Variants in DOP1A observed in about 807,000 individuals in gnomAD.
The protein encoded by DOP1A is DOP1 leucine zipper like protein A.
In DOP1A, 90 loss-of-function variants were observed where a neutral mutation model predicts 267.6. That is an observed-to-expected ratio of 0.34 (90% confidence interval 0.28 to 0.40). The LOEUF (loss-of-function observed/expected upper bound fraction) is 0.40. Among genes scored for constraint, DOP1A ranks in the 10% least tolerant of loss-of-function variants. The pLI is 1.00. For missense variants in DOP1A, 2,437 were observed against 2,900.4 expected, an observed-to-expected ratio of 0.84 and a Z score of 3.67; for synonymous variants, 932 against 999.1, an observed-to-expected ratio of 0.93 and a Z score of 1.27.
intron 4 of DOP1A, among the ~76,000 whole-genome samples, chr6:83,105,620 C>G (rs747062141): frequency 2.6e-5 from 4 of 152,022 alleles, no homozygotes; most frequent in Non-Finnish European, 4.4e-5. Context: ...GCCTCGGCCT[C>G]CCAAAGTGCT....
chr6:83,105,250 TAAAG>T (rs757069819), intron 4 of DOP1A, among the ~76,000 whole-genome samples: 29 of 149,206 alleles, frequency 1.9e-4, no homozygotes, highest in Admixed American at 6.1e-4. Context: ...GTTTAATGAA[TAAAG>T]AAACGCTATT....
Position 83,145,666 on chromosome 6 carries a change from A to G in DOP1A, c.5676+8A>G. ...GCCATAGCCAAGGACAAGGTAAGAA[A>G]AAACTCTTCTTCACATGTGTTTACA... On this transcript the variant is annotated splice_region_variant and intron_variant, in intron 25 of 38. Transcript: ENST00000349129. 6.2e-7 allele frequency: 1 copy of G among 1,608,728 alleles called. No individual in the cohort carries two copies. The highest frequency in any genetic ancestry group is 1.1e-5 in the South Asian group (1 of 89,786).
chr6:83,070,334 C>T lies in DOP1A; in HGVS notation c.-147+2555C>T, dbSNP rs771565383. Among the ~76,000 whole-genome samples the T allele has an allele frequency of 1.1e-4, 16 of 152,218 alleles. No homozygotes were observed. In the South Asian group the frequency reaches 1.7e-3, roughly 16 times the overall value. On this transcript the variant is annotated intron_variant, in intron 1 of 38. Coordinates refer to ENST00000349129, the MANE Select transcript of DOP1A (RefSeq NM_015018.4). ...ATATGATACCCTTGTCTTTAACTGG[C>T]GGTTTCCCTTTTTCCTTTATTGTAT...
At chr6:83,158,813 T>C (rs45502996) in intron 36 of DOP1A, among the ~76,000 whole-genome samples, 191 bp downstream of exon 36, 487 of 152,326 alleles carry the variant, frequency 3.2e-3, no homozygotes, top group Non-Finnish European at 4.1e-3. Flanking sequence ...GCCATCAGCA[T>C]TCATTGCCCT....
At position 83,151,993 on chromosome 6, in the gene DOP1A, G is replaced by A; in HGVS notation, c.6015G>A (p.Met2005Ile). The A allele has an allele frequency of 6.2e-7, 1 of 1,613,762 alleles. No individual in the cohort carries two copies. The highest frequency in any genetic ancestry group is 1.7e-5 in the Admixed American group (1 of 59,974). The change falls in exon 29 of 39, where the codon ATG becomes ATA. Residue 2005 changes from methionine (M) to isoleucine (I), a missense_variant. Transcript: ENST00000349129. ...AAGTTAAGCCTTCTCCCAAAATAAT[G>A]GTAGATGGAACCAATTTGGAATCTG... ...NLEVKPSPKI[M>I]VDGTNLESDV...
chr6:83,090,999 T>A (rs751061626), intron 1 of DOP1A, among the ~76,000 whole-genome samples: 3 of 151,954 alleles, frequency 2.0e-5, no homozygotes, highest in Non-Finnish European at 4.4e-5. Context: ...AAGAAAGAAG[T>A]TTAATCGGAC....
chr6:83,160,051 G>GT, intron 37 of DOP1A, 91 bp downstream of exon 37: 1 of 1,274,464 alleles, frequency 7.8e-7, no homozygotes, highest in East Asian at 2.3e-5. Context: ...AGTTTTTTGT[G>GT]TAAGTTGAAA....
chr6:83,136,391 G>A (rs1267368057), intron 20 of DOP1A, among the ~76,000 whole-genome samples: 1 of 152,086 alleles, frequency 6.6e-6, no homozygotes. Context: ...TTATAGTTGA[G>A]TGATGCCTTC....
chr6:83,095,956 A>G (rs1423882486), intron 1 of DOP1A, among the ~76,000 whole-genome samples: 1 of 152,150 alleles, frequency 6.6e-6, no homozygotes, highest in Non-Finnish European at 1.5e-5. Context: ...GAGAGTAAAG[A>G]GGAAACCAAA....
intron 5 of DOP1A, among the ~76,000 whole-genome samples, chr6:83,109,894 C>A (rs1774260889): frequency 6.6e-6 from 1 of 152,098 alleles, no homozygotes; most frequent in Non-Finnish European, 1.5e-5. Context: ...CTGAACTTAA[C>A]AATGAAGTGA....
intron 14 of DOP1A, 116 bp from the exon 15 acceptor site, chr6:83,125,384 T>C (rs1777004349): frequency 1.9e-6 from 2 of 1,037,700 alleles, no homozygotes; most frequent in South Asian, 1.6e-5. Context: ...ATTAAGAGCA[T>C]GATGCATATA....
At position 83,084,113 on chromosome 6, in the gene DOP1A, A is replaced by C. The variant is rs113952025; in HGVS notation, c.-146-12618A>C. The stretch of plus-strand genomic sequence containing the variant: ...TATTCGTATAGCTTTTCTGAGACCT[A>C]AAGTGAAAATATAAATAGTCATATG... On this transcript the variant is annotated intron_variant, in intron 1 of 38. Transcript: ENST00000349129. Among the ~76,000 whole-genome samples the C allele has an allele frequency of 4.9e-3, 740 of 152,320 alleles. 9 individuals are homozygous for C. The highest frequency in any genetic ancestry group is 0.017 in the African/African-American group (699 of 41,562).
At chr6:83,084,154 A>G (rs747828066) in intron 1 of DOP1A, among the ~76,000 whole-genome samples, 18 of 152,210 alleles carry the variant, frequency 1.2e-4, no homozygotes, top group African/African-American at 3.1e-4. Flanking sequence ...TAACATTTCA[A>G]TGATGGCCCA....
In DOP1A at chr6:83,129,133, G is replaced by A. The variant is rs147987838; in HGVS notation, c.1966G>A (p.Val656Ile). The change falls in exon 16 of 39, where the codon GTA becomes ATA. Residue 656 changes from valine (V) to isoleucine (I), a missense_variant. Coordinates refer to ENST00000349129, the MANE Select transcript of DOP1A (RefSeq NM_015018.4). Reference protein sequence around the residue: ...SEETIIQTPSVVTQGTATRSR... With the variant: ...SEETIIQTPSIVTQGTATRSR... ...AGAAACCATCATCCAGACCCCTTCC[G>A]TAGTCACTCAGGGGACAGCAACCCG... is the stretch of plus-strand genomic sequence containing the variant. The A allele has an allele frequency of 2.1e-3, 3,342 of 1,613,750 alleles. 7 individuals are homozygous for A. Among genetic ancestry groups the A allele is most frequent in the Non-Finnish European group, 2.5e-3 (2,931 of 1,179,860 alleles).
At chr6:83,107,571 C>T (rs999713618) in intron 4 of DOP1A, among the ~76,000 whole-genome samples, 3 of 152,062 alleles carry the variant, frequency 2.0e-5, no homozygotes, top group Non-Finnish European at 4.4e-5. Context: ...TATTTACAGT[C>T]CGTTGGAAGA....
intron 17 of DOP1A, among the ~76,000 whole-genome samples, chr6:83,131,938 A>G (rs1338125205): frequency 6.6e-6 from 1 of 152,142 alleles, no homozygotes; most frequent in Non-Finnish European, 1.5e-5. Flanking sequence ...TGTTCAGACA[A>G]CGCCTGATGT....
intron 35 of DOP1A, 147 bp downstream of exon 35, chr6:83,157,465 G>A: frequency 1.2e-6 from 1 of 843,160 alleles, no homozygotes; most frequent in Admixed American, 2.7e-5. Context: ...GTTGAAAATA[G>A]TAAAACAAGT....
rs761815621 is a variant in DOP1A at position 83,152,318 on chromosome 6, A to G, written c.6080A>G (p.Asn2027Ser). 6.3e-7 allele frequency: 1 copy of G among 1,575,450 alleles called. No individual in the cohort carries two copies. Among genetic ancestry groups the G allele is most frequent in the Non-Finnish European group, 8.6e-7 (1 of 1,163,616 alleles). The change falls in exon 30 of 39, where the codon AAC (asparagine) becomes AGC (serine). Residue 2027 changes from asparagine (N) to serine (S), a missense_variant. Asn to Ser is a conservative substitution (Grantham distance 46, BLOSUM62 1). This residue lies in a region of DOP1A where 216 missense variants were observed against 283.3 expected (regional missense o/e 0.76). Transcript: ENST00000349129. ...DMLSPAMETANITPSVYSVHA... is the reference protein window; with the variant it reads ...DMLSPAMETASITPSVYSVHA... The stretch of plus-strand genomic sequence containing the variant: ...TTATCACCTGCAATGGAAACCGCAA[A>G]CATAACTCCTTCTGTATATAGTGTC...
At chr6:83,169,465 T>C (rs1583240762), downstream of DOP1A, 3 of 950,458 alleles carry the variant, frequency 3.2e-6, no homozygotes, top group Non-Finnish European at 3.1e-6. Context: ...GAAAACCTTT[T>C]TTCATCTTTC....
Sources: gnomAD v4.1 joint callset for allele counts (sites outside exome capture counted in the v4.1 genomes callset) on GRCh38, gnomAD v4.1.1 for gene constraint, gnomAD v4.1.1 regional missense constraint, MANE v1.5 for transcripts, NCBI Gene and HGNC (gene_info 2026-07-23, HGNC 2026-07-21) for gene names.